The following SLC25A26 variants were observed in gnomAD, a reference collection of about 807,000 sequenced individuals.
The protein encoded by SLC25A26 is mitochondrial S-adenosylmethionine carrier protein.
SLC25A26 carries 36 observed loss-of-function variants against 37.8 expected under a neutral mutation model. The ratio of observed to expected loss-of-function variants is 0.95; its 90% CI spans 0.73 to 1.26. SLC25A26 has a LOEUF of 1.26. Among genes scored for constraint, SLC25A26 ranks in the 50% most tolerant of loss-of-function variants. The pLI is 0.00. For missense variants in SLC25A26, 390 were observed against 331.1 expected (o/e 1.18, Z -1.38); for synonymous variants, 129 against 122.5 (o/e 1.05, Z -0.35).
intron 5 of SLC25A26, among the ~76,000 whole-genome samples, chr3:66,268,378 C>T (rs2073836708): frequency 6.6e-6 from 1 of 152,192 alleles, no homozygotes; most frequent in African/African-American, 2.4e-5. Context: ...ATGTAGGAGC[C>T]TTCTGTTTTC....
intron 5 of SLC25A26, among the ~76,000 whole-genome samples, chr3:66,265,696 T>A (rs1156315506): frequency 6.6e-6 from 1 of 152,246 alleles, no homozygotes; most frequent in Non-Finnish European, 1.5e-5. Flanking sequence ...TTGGTTTTCA[T>A]AGCAACCTAG....
At chr3:66,308,998 T>C (rs529101553) in intron 5 of SLC25A26, among the ~76,000 whole-genome samples, 2 of 152,304 alleles carry the variant, frequency 1.3e-5, no homozygotes, top group African/African-American at 4.8e-5. Context: ...GAAATTTTCT[T>C]TTTTTGTTGT....
intron 5 of SLC25A26, among the ~76,000 whole-genome samples, chr3:66,297,171 C>CA (rs1374895193): frequency 2.2e-4 from 33 of 151,122 alleles, no homozygotes; most frequent in Admixed American, 7.9e-4. Context: ...ATTAAAAATA[C>CA]AAAAAAAATA....
rs2071226182 is a variant in SLC25A26 at position 66,208,988 on chromosome 3, ATTTATGTACCCATATAAAGG to A, written c.-353-11752_-353-11733del. Among the ~76,000 whole-genome samples the A allele has an allele frequency of 3.7e-4, 45 of 122,822 alleles. No individual in the cohort carries two copies. In the East Asian group the frequency reaches 6.1e-3, roughly 17 times the overall value. The allele number at this position is 122,822 out of a possible 152,430, so 80.6% of individuals were successfully genotyped here. A position where few individuals can be genotyped will look rare whatever the true frequency, so the allele number is the denominator to read the frequency against. Reference sequence around the variant, plus strand: ...TATAAAGGTGTGTATATATATATATATTTATGTACCCATATAAAGGTATATATATATATACACACCCATAT... The same window carrying A: ...TATAAAGGTGTGTATATATATATATATATATATATATATACACACCCATAT... On this transcript the variant is annotated intron_variant, in intron 1 of 10. Transcript: ENST00000676754.
In SLC25A26 at chr3:66,246,855, G is replaced by C. The variant is rs137941475; in HGVS notation, c.300+3543G>C. ...GCGCCACCAGGCCTGGCAATTCCTAGAGAATCTTTGTTTTTATTTTGTTTA... is the reference window on the plus strand; with the variant it reads ...GCGCCACCAGGCCTGGCAATTCCTACAGAATCTTTGTTTTTATTTTGTTTA... On this transcript the variant is annotated intron_variant, in intron 3 of 9. Transcript: ENST00000354883. Among the ~76,000 whole-genome samples, 6 of 152,132 alleles carry C rather than the reference G, an allele frequency of 3.9e-5. No homozygotes were observed. The East Asian group carries it at 1.2e-3, about 29-fold the overall frequency.
At chr3:66,248,965 A>G (rs1214753665) in intron 3 of SLC25A26, among the ~76,000 whole-genome samples, 1 of 152,240 alleles carries the variant, frequency 6.6e-6, no homozygotes, top group Non-Finnish European at 1.5e-5. Flanking sequence ...ATCTAGGCAC[A>G]TAAAACATCT....
At chr3:66,298,141 T>G (rs957537693) in intron 5 of SLC25A26, among the ~76,000 whole-genome samples, 6 of 152,214 alleles carry the variant, frequency 3.9e-5, no homozygotes, top group African/African-American at 1.4e-4. Flanking sequence ...ATACACCCTC[T>G]GCATGATTCT....
intron 1 of SLC25A26, among the ~76,000 whole-genome samples, chr3:66,212,622 T>C (rs2071299224): frequency 6.6e-6 from 1 of 152,180 alleles, no homozygotes; most frequent in Non-Finnish European, 1.5e-5. Flanking sequence ...AATTCAATAC[T>C]GTATCCATTG....
At chr3:66,284,062 A>T (rs996714969) in intron 5 of SLC25A26, among the ~76,000 whole-genome samples, 3 of 152,330 alleles carry the variant, frequency 2.0e-5, no homozygotes, top group South Asian at 2.1e-4. Flanking sequence ...ATATTTCGGG[A>T]TAGACTGGGC....
chr3:66,288,331 A>T lies in SLC25A26; in HGVS notation c.453+24952A>T, dbSNP rs191439767. The stretch of plus-strand genomic sequence containing the variant: ...GTTGACATTGGAAAGCATTTTTTTT[A>T]AAAAAATTAAACTTTAAGTTCTGGG... On this transcript the variant is annotated intron_variant, in intron 5 of 9. Transcript: ENST00000354883. Among the ~76,000 whole-genome samples, 928 of 152,038 alleles carry T rather than the reference A, an allele frequency of 6.1e-3. 5 individuals carry two copies. The highest frequency in any genetic ancestry group is 0.01 in the South Asian group (48 of 4,798).
chr3:66,209,361 A>G (rs915754379), intron 1 of SLC25A26, among the ~76,000 whole-genome samples: 1 of 139,804 alleles, frequency 7.2e-6, no homozygotes, highest in Non-Finnish European at 1.5e-5. Flanking sequence ...ATATATCTGT[A>G]TGTATATATA....
At position 66,338,153 on chromosome 3, in the gene SLC25A26, T is replaced by C. The variant is rs1006424905; in HGVS notation, c.454-8211T>C. Among the ~76,000 whole-genome samples, 6 of 152,158 alleles carry C rather than the reference T, an allele frequency of 3.9e-5. No homozygotes were observed. In the East Asian group the frequency reaches 7.7e-4, roughly 20 times the overall value. On this transcript the variant is annotated intron_variant, in intron 5 of 9. Transcript: ENST00000354883. ...TGCTCAGTATAACCTGTGTAAGGGT[T>C]GTCCATGTTACAGCAATGTATCAAT...
chr3:66,252,463 C>T lies in SLC25A26; in HGVS notation c.300+9151C>T, dbSNP rs114478289. Among the ~76,000 whole-genome samples, 310 of 152,250 alleles carry T rather than the reference C, an allele frequency of 2.0e-3. 2 individuals are homozygous for T. The highest frequency in any genetic ancestry group is 6.7e-3 in the African/African-American group (278 of 41,554). On this transcript the variant is annotated intron_variant, in intron 3 of 9. Coordinates refer to ENST00000354883, the MANE Select transcript of SLC25A26 (RefSeq NM_001379210.1). ...CCATGGGCTGTCAAGTTACACAGAT[C>T]GGGGTCAGATTTGTGACTTGTCCAC... is the stretch of plus-strand genomic sequence containing the variant.
At position 66,364,593 on chromosome 3, in the gene SLC25A26, A is replaced by G. The variant is rs547337381; in HGVS notation, c.568+1664A>G. On this transcript the variant is annotated intron_variant, in intron 7 of 9. Transcript: ENST00000354883. ...CCTTACCTGTAATGTAGAAGCAACA[A>G]TTCCTACCTTAGGGGATTACTTCAG... 3.3e-5 allele frequency among the ~76,000 whole-genome samples: 5 copies of G among 152,314 alleles called. No individual in the cohort carries two copies. The South Asian group carries it at 8.3e-4, about 25-fold the overall frequency.
chr3:66,145,687 A>G (rs538115841), intron 1 of SLC25A26, among the ~76,000 whole-genome samples: 9 of 152,254 alleles, frequency 5.9e-5, no homozygotes, highest in Admixed American at 2.0e-4. Flanking sequence ...CTAAATAAAC[A>G]GATGGAAATA....
rs71105977 is a variant in SLC25A26, at chr3:66,281,996, A to ATTTTTT, written c.453+18638_453+18643dup. Among the ~76,000 whole-genome samples, 137 of 64,470 alleles carry ATTTTTT rather than the reference A, an allele frequency of 2.1e-3. 10 individuals carry two copies. The highest frequency in any genetic ancestry group is 2.8e-3 in the African/African-American group (36 of 12,986). 42.3% of individuals were successfully genotyped at this position (64,470 alleles called of 152,430 possible). A position where few individuals can be genotyped will look rare whatever the true frequency, so the allele number is the denominator to read the frequency against. On this transcript the variant is annotated intron_variant, in intron 5 of 9. Coordinates refer to ENST00000354883, the MANE Select transcript of SLC25A26 (RefSeq NM_001379210.1). ...CACCACCACACCCAACTGATTTTGC[A>ATTTTTT]TTTTTTTTTTTTTTTTTTTTTTTTT...
At chr3:66,288,832 G>A (rs2074604334) in intron 5 of SLC25A26, among the ~76,000 whole-genome samples, 1 of 152,066 alleles carries the variant, frequency 6.6e-6, no homozygotes, top group Admixed American at 6.5e-5. Context: ...AATCTGTTGG[G>A]TATATACCCA....
At chr3:66,186,086 C>T (rs2070820805) in intron 1 of SLC25A26, among the ~76,000 whole-genome samples, 1 of 151,770 alleles carries the variant, frequency 6.6e-6, no homozygotes, top group South Asian at 2.1e-4. Flanking sequence ...AAGCCTGATA[C>T]TAACCAAGAC....
At chr3:66,281,446 A>G (rs962144351) in intron 5 of SLC25A26, among the ~76,000 whole-genome samples, 24 of 152,210 alleles carry the variant, frequency 1.6e-4, no homozygotes, top group African/African-American at 5.8e-4. Context: ...TGATTGCAAA[A>G]TAATGATTTT....
Sources: allele counts gnomAD v4.1 joint callset (sites outside exome capture counted in the v4.1 genomes callset), GRCh38; gene constraint gnomAD v4.1.1; transcripts MANE v1.5; gene names NCBI Gene and HGNC (gene_info 2026-07-23, HGNC 2026-07-21).